The following FSHR variants were observed in gnomAD, a reference collection of about 807,000 sequenced individuals.
FSHR encodes follicle-stimulating hormone receptor.
In FSHR, 46 loss-of-function variants were observed where a neutral mutation model predicts 52.1. The observed-to-expected ratio is 0.88, with a 90% CI of 0.70 to 1.13. The LOEUF (loss-of-function observed/expected upper bound fraction) is 1.13, where lower values mean the gene tolerates loss of function less well. FSHR is among the 50% of genes most tolerant of loss of function. The probability of loss-of-function intolerance (pLI) is 0.00; values close to 1 mark genes in which losing one functional copy is unlikely to be tolerated. For synonymous variants in FSHR, 399 were observed against 309.6 expected (o/e 1.29, Z -3.03); for missense variants, 964 against 834.6 (o/e 1.16, Z -1.91).
intron 8 of FSHR, 26 bp from the exon 9 acceptor site, chr2:48,968,909 C>G: frequency 6.2e-7 from 1 of 1,605,542 alleles, no homozygotes; most frequent in Admixed American, 1.7e-5. Flanking sequence ...GTAAATATAA[C>G]AGGATTACTA....
chr2:49,062,239 G>A (rs938535520), intron 2 of FSHR, among the ~76,000 whole-genome samples: 1 of 152,024 alleles, frequency 6.6e-6, no homozygotes, highest in African/African-American at 2.4e-5. Flanking sequence ...TATGCAGGTG[G>A]CACAGAAAAG....
At chr2:49,019,970 A>G (rs1054635053) in intron 3 of FSHR, 116 bp downstream of exon 3, 2 of 907,124 alleles carry the variant, frequency 2.2e-6, no homozygotes, top group Non-Finnish European at 3.7e-6. Flanking sequence ...ACATCTTATA[A>G]TGACAATCTA....
At chr2:49,022,929 A>T (rs914202815) in intron 2 of FSHR, among the ~76,000 whole-genome samples, 1 of 152,176 alleles carries the variant, frequency 6.6e-6, no homozygotes, top group African/African-American at 2.4e-5. Flanking sequence ...TAGAATGCAG[A>T]TTCTCATTGG....
chr2:49,094,349 A>T lies in FSHR; in HGVS notation c.153-26059T>A, dbSNP rs148315913. Among the ~76,000 whole-genome samples the T allele has an allele frequency of 3.3e-3, 510 of 152,328 alleles. 2 individuals are homozygous for T. Among genetic ancestry groups the T allele is most frequent in the Non-Finnish European group, 1.9e-3 (126 of 68,024 alleles). Reference sequence around the variant, plus strand: ...CTTTTTGCTTTCAACTGCCAAATACATATTTAAATAATTTAAGAGGGGAGA... The same window carrying T: ...CTTTTTGCTTTCAACTGCCAAATACTTATTTAAATAATTTAAGAGGGGAGA... On this transcript the variant is annotated intron_variant, in intron 1 of 9. Transcript: ENST00000406846.
Position 48,983,004 on chromosome 2 carries a change from G to A in FSHR, c.594-18C>T, listed in dbSNP as rs1457870687. On this transcript the variant is annotated intron_variant, in intron 7 of 9. Coordinates refer to ENST00000406846, the MANE Select transcript of FSHR (RefSeq NM_000145.4). ...TTAGATTCCTGGGGATGGGGTTGAG[G>A]AAAGAAGAAGGAAAACACAAAGCCA... 3.7e-6 allele frequency: 6 copies of A among 1,612,354 alleles called. No homozygotes were observed.
chr2:49,079,558 A>G (rs369196448), intron 1 of FSHR, among the ~76,000 whole-genome samples: 1 of 152,136 alleles, frequency 6.6e-6, no homozygotes, highest in Admixed American at 6.6e-5. Flanking sequence ...AAATAGACCA[A>G]TGGAAGAAAA....
At chr2:49,010,914 T>C (rs1354984615) in intron 4 of FSHR, among the ~76,000 whole-genome samples, 1 of 152,144 alleles carries the variant, frequency 6.6e-6, no homozygotes. Context: ...TGGATTCTTC[T>C]CTCTTTTCTT....
intron 1 of FSHR, among the ~76,000 whole-genome samples, chr2:49,120,705 T>C (rs1222902794): frequency 1.2e-5 from 1 of 86,890 alleles, no homozygotes; most frequent in Non-Finnish European, 2.4e-5. Context: ...TTTGGACATA[T>C]TATACAACCT....
At chr2:48,971,228 A>G (rs1674726783) in intron 8 of FSHR, among the ~76,000 whole-genome samples, 1 of 152,114 alleles carries the variant, frequency 6.6e-6, no homozygotes, top group Non-Finnish European at 1.5e-5. Flanking sequence ...CTGCAGTTCC[A>G]TTTCCCAGGT....
At chr2:49,124,987 T>C in intron 1 of FSHR, among the ~76,000 whole-genome samples, 1 of 152,216 alleles carries the variant, frequency 6.6e-6, no homozygotes, top group African/African-American at 2.4e-5. Flanking sequence ...CACTAACTTG[T>C]TTGTTGTTCC....
chr2:49,140,525 G>T (rs779447247), intron 1 of FSHR, among the ~76,000 whole-genome samples: 41 of 151,950 alleles, frequency 2.7e-4, no homozygotes, highest in Non-Finnish European at 5.4e-4. Flanking sequence ...TTATAGTACT[G>T]CAAGAATGGC....
intron 9 of FSHR, among the ~76,000 whole-genome samples, chr2:48,964,551 G>A (rs1674383922): frequency 6.6e-6 from 1 of 152,184 alleles, no homozygotes; most frequent in East Asian, 1.9e-4. Context: ...GGTCTTTCCT[G>A]TTCTTTATTA....
chr2:49,103,034 A>G (rs772347357), intron 1 of FSHR, among the ~76,000 whole-genome samples: 4 of 152,122 alleles, frequency 2.6e-5, no homozygotes, highest in Non-Finnish European at 5.9e-5. Context: ...CCCCATGAAA[A>G]TTTAATACCA....
intron 1 of FSHR, among the ~76,000 whole-genome samples, chr2:49,104,628 AG>A (rs989898114): frequency 3.3e-5 from 5 of 152,188 alleles, no homozygotes. Context: ...CGTGTTCCAA[AG>A]GGCATGTAGA....
intron 1 of FSHR, among the ~76,000 whole-genome samples, chr2:49,082,822 C>T (rs1455149039): frequency 6.6e-6 from 1 of 152,088 alleles, no homozygotes; most frequent in East Asian, 1.9e-4. Flanking sequence ...ACGAGCAAAG[C>T]CTCCAAGAAA....
chr2:49,014,287 T>C (rs897772039), intron 4 of FSHR, among the ~76,000 whole-genome samples: 1 of 152,164 alleles, frequency 6.6e-6, no homozygotes. Context: ...CTGAGAACAA[T>C]AATCTTCTCT....
intron 2 of FSHR, among the ~76,000 whole-genome samples, chr2:49,031,091 G>C (rs538007120): frequency 3.3e-5 from 5 of 152,126 alleles, no homozygotes; most frequent in Non-Finnish European, 7.4e-5. Context: ...ATATTTTCAG[G>C]CCTTTGCTGT....
In FSHR at chr2:49,077,283, G is replaced by T. The variant is rs114970674; in HGVS notation, c.153-8993C>A. On this transcript the variant is annotated intron_variant, in intron 1 of 9. Coordinates refer to ENST00000406846, the MANE Select transcript of FSHR (RefSeq NM_000145.4). ...TCTTGACTTTTGTGCTCAACATCAT[G>T]TGGAAGCTGCCAAGGCTTGGGGCTT... 1.0e-2 allele frequency among the ~76,000 whole-genome samples: 1,523 copies of T among 152,322 alleles called. 29 individuals are homozygous for T. Among genetic ancestry groups the T allele is most frequent in the African/African-American group, 0.035 (1,451 of 41,570 alleles).
chr2:49,127,765 TC>T (rs1672067235), intron 1 of FSHR, among the ~76,000 whole-genome samples: 2 of 32,392 alleles, frequency 6.2e-5, no homozygotes, highest in African/African-American at 2.8e-4. Context: ...TTCTTCTTCT[TC>T]TTCTTCTTCT....
Sources: allele counts gnomAD v4.1 joint callset (sites outside exome capture counted in the v4.1 genomes callset), GRCh38; gene constraint gnomAD v4.1.1; transcripts MANE v1.5; gene names NCBI Gene and HGNC (gene_info 2026-07-23, HGNC 2026-07-21).